CPNE5: variants seen among roughly 807,000 people sequenced by gnomAD.
CPNE5 encodes copine 5.
CPNE5 carries 42 observed loss-of-function variants against 81.1 expected under a neutral mutation model. The ratio of observed to expected loss-of-function variants is 0.52; its 90% CI spans 0.40 to 0.67. CPNE5 has a LOEUF of 0.67. Ranked by LOEUF, CPNE5 falls within the 30% of genes least tolerant of loss-of-function variation. CPNE5 has a pLI of 0.00. For missense variants in CPNE5, 612 were observed against 815.5 expected (o/e 0.75, Z 3.04); for synonymous variants, 313 against 321.5 (o/e 0.97, Z 0.28).
chr6:36,749,521 A>G (rs1382863305), intron 14 of CPNE5, among the ~76,000 whole-genome samples: 4 of 152,198 alleles, frequency 2.6e-5, no homozygotes, highest in Non-Finnish European at 5.9e-5. Flanking sequence ...TATGTTTTAG[A>G]AAGACATCCT....
chr6:36,756,093 G>GCCCCCCCCCCCCCCCCCCC, intron 13 of CPNE5, 152 bp downstream of exon 13: 2 of 595,830 alleles, frequency 3.4e-6, no homozygotes, highest in Non-Finnish European at 3.0e-6. Flanking sequence ...TGCTCCATCT[G>GCCCCCCCCCCCCCCCCCCC]CCCCACCCCT....
At chr6:36,752,965 G>A (rs1304831720) in intron 14 of CPNE5, 69 bp downstream of exon 14, 13 of 1,314,660 alleles carry the variant, frequency 9.9e-6, no homozygotes, top group East Asian at 2.3e-5. Context: ...GGCCAGAGCC[G>A]GTCCTGTCGG....
rs1773821265 is a variant in CPNE5 at position 36,839,244 on chromosome 6, AG to A, written c.95+38del. 1 of 1,439,056 alleles carries A rather than the reference AG, an allele frequency of 6.9e-7. No homozygotes were observed. Among genetic ancestry groups the A allele is most frequent in the Admixed American group, 2.2e-5 (1 of 45,388 alleles). 89.1% of individuals were successfully genotyped at this position (1,439,056 alleles called of 1,614,324 possible). On this transcript the variant is annotated intron_variant, in intron 1 of 20. Transcript: ENST00000244751. The surrounding 1 kb of genome is among the most constrained non-coding windows in gnomAD (Gnocchi z 7.3). ...GCAGGGGCCGCGGGGCTCTGCGTCCAGGGCCGGGGCAAGGGGACCCGGCCAG... is the reference window on the plus strand; with the variant it reads ...GCAGGGGCCGCGGGGCTCTGCGTCCAGGCCGGGGCAAGGGGACCCGGCCAG...
chr6:36,800,537 T>C (rs185391494), intron 3 of CPNE5, among the ~76,000 whole-genome samples: 35 of 152,328 alleles, frequency 2.3e-4, no homozygotes, highest in Non-Finnish European at 3.7e-4. Flanking sequence ...TGTGTACTTA[T>C]TTGATTCCCA....
intron 3 of CPNE5, among the ~76,000 whole-genome samples, chr6:36,816,277 C>A (rs1344846821): frequency 6.6e-6 from 1 of 152,208 alleles, no homozygotes; most frequent in Non-Finnish European, 1.5e-5. Flanking sequence ...TTGATGCAAA[C>A]AGTGCTTGAT....
At chr6:36,768,075 C>G (rs900995101) in intron 10 of CPNE5, among the ~76,000 whole-genome samples, 2 of 151,920 alleles carry the variant, frequency 1.3e-5, no homozygotes, top group African/African-American at 4.8e-5. Context: ...CATTAAGGCT[C>G]CAGGGATGGC....
intron 7 of CPNE5, among the ~76,000 whole-genome samples, chr6:36,794,172 C>T (rs1218277162): frequency 1.7e-5 from 2 of 118,430 alleles, no homozygotes; most frequent in African/African-American, 3.4e-5. Flanking sequence ...GGGAGGGGAA[C>T]AGGGGGGAAA....
intron 10 of CPNE5, among the ~76,000 whole-genome samples, chr6:36,772,774 C>T (rs1421484204): frequency 2.0e-5 from 3 of 152,256 alleles, no homozygotes; most frequent in Admixed American, 6.5e-5. Flanking sequence ...TGATCATCCC[C>T]TCAACATGCC....
At chr6:36,799,711 A>T (rs1412877409) in intron 4 of CPNE5, among the ~76,000 whole-genome samples, 1 of 152,178 alleles carries the variant, frequency 6.6e-6, no homozygotes, top group Non-Finnish European at 1.5e-5. Context: ...CCCCAGCACC[A>T]AGCAGCTTGC....
intron 1 of CPNE5, among the ~76,000 whole-genome samples, chr6:36,838,323 G>A (rs1773711990): frequency 6.6e-6 from 1 of 152,196 alleles, no homozygotes; most frequent in South Asian, 2.1e-4. Flanking sequence ...TCTGGGGCAG[G>A]GGGCATGGCC....
At chr6:36,795,272 A>G (rs1351018916) in intron 6 of CPNE5, among the ~76,000 whole-genome samples, 3 of 152,096 alleles carry the variant, frequency 2.0e-5, no homozygotes, top group Admixed American at 6.6e-5. Context: ...TCCACCTACC[A>G]GGTTCAAGTG....
At chr6:36,812,330 G>C (rs1229953822) in intron 3 of CPNE5, among the ~76,000 whole-genome samples, 1 of 152,192 alleles carries the variant, frequency 6.6e-6, no homozygotes, top group Admixed American at 6.5e-5. Context: ...GTACAGGGTA[G>C]AAGGCATATC....
At chr6:36,833,603 C>T (rs1396129697) in intron 1 of CPNE5, among the ~76,000 whole-genome samples, 1 of 152,204 alleles carries the variant, frequency 6.6e-6, no homozygotes, top group Non-Finnish European at 1.5e-5. Flanking sequence ...TGGGGGTGGA[C>T]TCTAGGAGCT....
intron 7 of CPNE5, among the ~76,000 whole-genome samples, chr6:36,794,192 C>G (rs1360343865): frequency 1.8e-5 from 2 of 111,796 alleles, no homozygotes; most frequent in Non-Finnish European, 3.4e-5. Context: ...AGGATAAAGA[C>G]AGGGGAGGAA....
intron 10 of CPNE5, among the ~76,000 whole-genome samples, chr6:36,770,192 C>G (rs1262798689): frequency 2.0e-5 from 3 of 152,078 alleles, no homozygotes; most frequent in African/African-American, 4.8e-5. Flanking sequence ...TCAGGTTTGG[C>G]CTTGTGTGGA....
At chr6:36,795,907 C>T (rs1769525179) in intron 6 of CPNE5, among the ~76,000 whole-genome samples, 1 of 152,064 alleles carries the variant, frequency 6.6e-6, no homozygotes. Flanking sequence ...GTAAAAGGTC[C>T]ACCTCCTCCT....
chr6:36,827,662 C>T, intron 1 of CPNE5: 1 of 985,406 alleles, frequency 1.0e-6, no homozygotes, highest in Non-Finnish European at 1.2e-6. Context: ...TGATCCTCAC[C>T]ATGATCCACT....
In CPNE5 at chr6:36,745,035, A is replaced by G. The variant is rs751361020; in HGVS notation, c.1431+13T>C. The G allele has an allele frequency of 1.0e-5, 16 of 1,600,256 alleles. No individual in the cohort carries two copies. The highest frequency in any genetic ancestry group is 1.3e-5 in the African/African-American group (1 of 74,706). ...CCTCAAACCGCCTCCCCCACCGCACACTCCTTGCTTACGTTGACAATGGCC... is the reference window on the plus strand; with the variant it reads ...CCTCAAACCGCCTCCCCCACCGCACGCTCCTTGCTTACGTTGACAATGGCC... On this transcript the variant is annotated intron_variant, in intron 18 of 20. Coordinates refer to ENST00000244751, the MANE Select transcript of CPNE5 (RefSeq NM_020939.2).
At chr6:36,818,167 C>T (rs756114666) in intron 3 of CPNE5, among the ~76,000 whole-genome samples, 1 of 152,152 alleles carries the variant, frequency 6.6e-6, no homozygotes. Flanking sequence ...CCACATCATG[C>T]ACCCCAGGCA....
Sources: gnomAD v4.1 joint callset for allele counts (sites outside exome capture counted in the v4.1 genomes callset) on GRCh38, gnomAD v4.1.1 for gene constraint, Gnocchi (gnomAD v3.1) non-coding constraint, MANE v1.5 for transcripts, NCBI Gene and HGNC (gene_info 2026-07-23, HGNC 2026-07-21) for gene names.